MARCHF1: variants seen among roughly 807,000 people sequenced by gnomAD.
The protein encoded by MARCHF1 is E3 ubiquitin-protein ligase MARCHF1.
Under a neutral mutation model 54.2 loss-of-function variants are expected in MARCHF1, and 40 were observed. The ratio of observed to expected loss-of-function variants is 0.74; its 90% confidence interval spans 0.57 to 0.96. The LOEUF (loss-of-function observed/expected upper bound fraction) is 0.96, where lower values mean the gene tolerates loss of function less well. Among genes scored for constraint, MARCHF1 ranks in the 40% least tolerant of loss-of-function variants. MARCHF1 has a pLI of 0.00. For synonymous variants in MARCHF1, 236 were observed against 236.3 expected (o/e 1.00, Z 0.01); for missense variants, 586 against 656.5 (o/e 0.89, Z 1.17).
chr4:163,813,225 C>T (rs1189765228), intron 4 of MARCHF1, among the ~76,000 whole-genome samples: 1 of 152,168 alleles, frequency 6.6e-6, no homozygotes, highest in Non-Finnish European at 1.5e-5. Context: ...CTTATACTAT[C>T]CATCATAGAG....
chr4:163,601,523 T>C (rs761440916), intron 7 of MARCHF1, among the ~76,000 whole-genome samples: 24 of 152,204 alleles, frequency 1.6e-4, no homozygotes, highest in Non-Finnish European at 2.9e-4. Flanking sequence ...AATTAAGAAG[T>C]AGATAAACTC....
At chr4:163,767,704 T>C (rs969412924) in intron 4 of MARCHF1, among the ~76,000 whole-genome samples, 1 of 152,202 alleles carries the variant, frequency 6.6e-6, no homozygotes, top group African/African-American at 2.4e-5. Context: ...TGTTCTGATC[T>C]ACCCTCATCT....
rs1052095426 is a variant in MARCHF1 at position 163,795,608 on chromosome 4, A to C, written c.111+58413T>G. Among the ~76,000 whole-genome samples, 5 of 152,182 alleles carry C rather than the reference A, an allele frequency of 3.3e-5. No individual in the cohort carries two copies. In the East Asian group the frequency reaches 5.8e-4, roughly 18 times the overall value. On this transcript the variant is annotated intron_variant, in intron 4 of 9. Coordinates refer to ENST00000514618, the MANE Select transcript of MARCHF1 (RefSeq NM_001394959.1). ...ACAGTGTTCATACTTTTGTAACTTT[A>C]ATTTTTCTCTTGAACTGTCTGTCAT...
At chr4:163,646,040 A>G (rs1349229976) in intron 5 of MARCHF1, among the ~76,000 whole-genome samples, 1 of 151,104 alleles carries the variant, frequency 6.6e-6, no homozygotes, top group African/African-American at 2.5e-5. Flanking sequence ...AGGAGTCTAA[A>G]CAAGTTCAAT....
At chr4:163,969,320 C>T (rs1465520888) in intron 3 of MARCHF1, among the ~76,000 whole-genome samples, 1 of 152,058 alleles carries the variant, frequency 6.6e-6, no homozygotes, top group Non-Finnish European at 1.5e-5. Context: ...TCTGTATGTT[C>T]CCTGTGGCAT....
chr4:164,196,405 A>AACAATGATT (rs1731260052), intron 1 of MARCHF1, among the ~76,000 whole-genome samples: 1 of 150,874 alleles, frequency 6.6e-6, no homozygotes, highest in Non-Finnish European at 1.5e-5. Context: ...GTTTTAATAA[A>AACAATGATT]TAAAATCAAG....
intron 1 of MARCHF1, among the ~76,000 whole-genome samples, chr4:164,181,754 T>C (rs1282282037): frequency 1.3e-5 from 2 of 152,178 alleles, no homozygotes; most frequent in African/African-American, 4.8e-5. Flanking sequence ...TAAATAAAAT[T>C]ATTCTTCCTT....
chr4:163,928,132 C>G (rs1368465597), intron 3 of MARCHF1, among the ~76,000 whole-genome samples: 2 of 151,782 alleles, frequency 1.3e-5, no homozygotes, highest in Non-Finnish European at 2.9e-5. Context: ...ATGTAATTCT[C>G]TACAGTAGAA....
intron 1 of MARCHF1, among the ~76,000 whole-genome samples, chr4:164,312,170 A>T (rs1734865657): frequency 6.6e-6 from 1 of 152,208 alleles, no homozygotes; most frequent in African/African-American, 2.4e-5. Flanking sequence ...CTCCAGAAAC[A>T]GCAAATTCAA....
chr4:164,275,395 G>A (rs1462872657), intron 1 of MARCHF1, among the ~76,000 whole-genome samples: 1 of 152,164 alleles, frequency 6.6e-6, no homozygotes, highest in Non-Finnish European at 1.5e-5. Context: ...TGTTAAGCTT[G>A]GAAGAGTCAA....
intron 9 of MARCHF1, among the ~76,000 whole-genome samples, chr4:163,538,834 CCT>C (rs988714429): frequency 3.9e-5 from 6 of 152,064 alleles, no homozygotes; most frequent in African/African-American, 1.4e-4. Context: ...AATAATAGCC[CCT>C]GATTGGCTCA....
intron 2 of MARCHF1, among the ~76,000 whole-genome samples, chr4:164,102,641 C>T (rs1221085704): frequency 8.0e-5 from 12 of 150,422 alleles, no homozygotes; most frequent in East Asian, 3.9e-4. Context: ...GAACAACCGG[C>T]ACCAGCCGCT....
intron 4 of MARCHF1, among the ~76,000 whole-genome samples, chr4:163,832,737 C>CA (rs1749065126): frequency 7.4e-6 from 1 of 135,946 alleles, no homozygotes; most frequent in East Asian, 2.5e-4. Context: ...TATCCCTCCC[C>CA]CCTCCCCCAA....
At chr4:163,997,393 C>A (rs1016252639) in intron 2 of MARCHF1, among the ~76,000 whole-genome samples, 1 of 151,888 alleles carries the variant, frequency 6.6e-6, no homozygotes, top group East Asian at 1.9e-4. Context: ...AGTTAGAGGT[C>A]CATCTGAGTC....
At chr4:164,330,762 C>G (rs568271913) in intron 1 of MARCHF1, among the ~76,000 whole-genome samples, 2 of 152,230 alleles carry the variant, frequency 1.3e-5, no homozygotes, top group Admixed American at 1.3e-4. Flanking sequence ...TCATACTCAG[C>G]ACCAAATTTC....
At chr4:163,919,816 A>C (rs1471649016) in intron 3 of MARCHF1, among the ~76,000 whole-genome samples, 1 of 152,118 alleles carries the variant, frequency 6.6e-6, no homozygotes, top group Non-Finnish European at 1.5e-5. Context: ...TCTTAAGAAC[A>C]CTTTTGTTTT....
chr4:164,029,181 T>TAA (rs1016876880), intron 2 of MARCHF1, among the ~76,000 whole-genome samples: 4 of 152,104 alleles, frequency 2.6e-5, no homozygotes, highest in African/African-American at 9.7e-5. Context: ...CAATTTATTT[T>TAA]AAAAAGAGGC....
At chr4:164,068,117 C>T (rs1455647184) in intron 2 of MARCHF1, among the ~76,000 whole-genome samples, 7 of 152,150 alleles carry the variant, frequency 4.6e-5, no homozygotes, top group Non-Finnish European at 8.8e-5. Flanking sequence ...TATACACTAT[C>T]GGTGAGAATG....
At chr4:164,184,493 A>G (rs1190100387) in intron 1 of MARCHF1, among the ~76,000 whole-genome samples, 2 of 152,220 alleles carry the variant, frequency 1.3e-5, no homozygotes, top group Non-Finnish European at 2.9e-5. Context: ...ACAAAAGGAT[A>G]CACTCTGCAC....
Sources: allele counts gnomAD v4.1 joint callset (sites outside exome capture counted in the v4.1 genomes callset), GRCh38; gene constraint gnomAD v4.1.1; transcripts MANE v1.5; gene names NCBI Gene and HGNC (gene_info 2026-07-23, HGNC 2026-07-21).